Variants in STAU2 observed in about 807,000 individuals in gnomAD.
STAU2 encodes double-stranded RNA-binding protein Staufen homolog 2.
A neutral mutation model predicts 65.9 loss-of-function variants in STAU2; 20 were observed. That is an observed-to-expected ratio of 0.30 (90% confidence interval 0.21 to 0.44). The LOEUF is 0.44. Ranked by LOEUF, STAU2 falls within the 20% of genes least tolerant of loss-of-function variation. The pLI is 1.00. For missense variants in STAU2, 558 were observed against 683.9 expected (o/e 0.82, Z 2.05); for synonymous variants, 232 against 233.9 (o/e 0.99, Z 0.07).
At chr8:73,685,798 C>T (rs903498669) in intron 5 of STAU2, among the ~76,000 whole-genome samples, 10 of 152,222 alleles carry the variant, frequency 6.6e-5, no homozygotes, top group Non-Finnish European at 1.3e-4. Context: ...AATCCCACTA[C>T]TGGGTATCTA....
rs1818963350 is a variant in STAU2, at chr8:73,454,566, AT to A, written c.1531-31865del. Among the ~76,000 whole-genome samples the A allele has an allele frequency of 1.3e-5, 2 of 152,220 alleles. 1 individual carries two copies. The highest frequency in any genetic ancestry group is 4.1e-4 in the South Asian group (2 of 4,832). Reference sequence around the variant, plus strand: ...CAAGGGTAGTGAAGATTAGGACTCAATAGAATGGGGTCCTAGGTCACTCTGT... The same window carrying A: ...CAAGGGTAGTGAAGATTAGGACTCAAAGAATGGGGTCCTAGGTCACTCTGT... On this transcript the variant is annotated intron_variant, in intron 13 of 14. Coordinates refer to ENST00000524300, the MANE Select transcript of STAU2 (RefSeq NM_001164380.2).
intron 13 of STAU2, among the ~76,000 whole-genome samples, chr8:73,540,894 G>A (rs922550222): frequency 1.1e-4 from 16 of 152,070 alleles, no homozygotes; most frequent in Admixed American, 3.3e-4. Flanking sequence ...ACTGGAGGAC[G>A]CAGAGGAAAG....
intron 13 of STAU2, among the ~76,000 whole-genome samples, chr8:73,434,234 T>C (rs1004266485): frequency 8.4e-6 from 1 of 118,694 alleles, no homozygotes; most frequent in African/African-American, 3.7e-5. Context: ...ATTCCTTGAC[T>C]CAACACAAGG....
chr8:73,621,097 G>A (rs558116038), intron 6 of STAU2, among the ~76,000 whole-genome samples: 13 of 152,176 alleles, frequency 8.5e-5, no homozygotes, highest in African/African-American at 2.9e-4. Flanking sequence ...TTTTAGTAAG[G>A]TATTTGATAT....
At chr8:73,743,824 T>C (rs1243233797) in intron 1 of STAU2, among the ~76,000 whole-genome samples, 3 of 143,468 alleles carry the variant, frequency 2.1e-5, no homozygotes, top group Non-Finnish European at 4.5e-5. Context: ...CAGGCTGGAG[T>C]GCAATGGCGC....
chr8:73,726,471 G>A (rs1805642633), intron 3 of STAU2, among the ~76,000 whole-genome samples: 1 of 152,060 alleles, frequency 6.6e-6, no homozygotes, highest in Admixed American at 6.6e-5. Flanking sequence ...AATATTTTCT[G>A]TTGCCCCTCC....
At chr8:73,728,871 A>T (rs772771927) in intron 3 of STAU2, among the ~76,000 whole-genome samples, 25 of 152,142 alleles carry the variant, frequency 1.6e-4, no homozygotes, top group Admixed American at 7.2e-4. Flanking sequence ...CTGCAAACAG[A>T]GACAGTTTTA....
At chr8:73,745,337 T>C (rs1224044060) in intron 1 of STAU2, among the ~76,000 whole-genome samples, 2 of 152,248 alleles carry the variant, frequency 1.3e-5, no homozygotes, top group Non-Finnish European at 1.5e-5. Flanking sequence ...TTTGGTAGTT[T>C]TATTAAATAA....
At chr8:73,739,706 C>T (rs1027373000) in intron 2 of STAU2, 50 bp downstream of exon 2, 28 of 1,431,270 alleles carry the variant, frequency 2.0e-5, no homozygotes, top group South Asian at 3.1e-5. Context: ...AAAGAGCACA[C>T]GGCCTGGATA....
intron 5 of STAU2, chr8:73,675,385 A>ACC (rs1817966881): frequency 6.6e-6 from 1 of 151,904 alleles, no homozygotes; most frequent in South Asian, 2.1e-4. Context: ...ACACACACAC[A>ACC]CACACACACA....
chr8:73,632,488 TATCCTGAAAAA>T (rs1269381510), intron 6 of STAU2, among the ~76,000 whole-genome samples: 1 of 152,220 alleles, frequency 6.6e-6, no homozygotes, highest in Non-Finnish European at 1.5e-5. Flanking sequence ...TTCTCTTTGT[TATCCTGAAAAA>T]GTCACTCAAG....
intron 4 of STAU2, among the ~76,000 whole-genome samples, chr8:73,694,305 C>T (rs75559649): frequency 0.01 from 1,548 of 152,224 alleles, 7 homozygotes; most frequent in Non-Finnish European, 0.015. Flanking sequence ...GAATATAGTA[C>T]AGTTGAACAA....
chr8:73,681,652 C>T (rs1818444220), intron 5 of STAU2, among the ~76,000 whole-genome samples: 1 of 152,024 alleles, frequency 6.6e-6, no homozygotes, highest in Non-Finnish European at 1.5e-5. Flanking sequence ...TGTAAATGGC[C>T]TAAATGCTCC....
chr8:73,464,420 CTTCT>C (rs1819538574), intron 13 of STAU2, among the ~76,000 whole-genome samples: 1 of 152,214 alleles, frequency 6.6e-6, no homozygotes, highest in African/African-American at 2.4e-5. Flanking sequence ...CGCTGTTACA[CTTCT>C]ATGAAGAGAC....
intron 12 of STAU2, among the ~76,000 whole-genome samples, chr8:73,559,843 A>C (rs1022354112): frequency 3.3e-5 from 5 of 152,188 alleles, no homozygotes; most frequent in African/African-American, 1.2e-4. Flanking sequence ...TCAGACCCTT[A>C]GTTCTGCCTA....
rs543598702 is a variant in STAU2, at chr8:73,479,237, T to C, written c.1531-56535A>G. 3.9e-5 allele frequency among the ~76,000 whole-genome samples: 6 copies of C among 152,264 alleles called. 1 individual carries two copies. The highest frequency in any genetic ancestry group is 1.9e-4 in the East Asian group (1 of 5,178). ...CTTTAAAAAGTTAGTAATTCCTTAATACCATCAAACATCAGTGTTCAAATT... is the reference window on the plus strand; with the variant it reads ...CTTTAAAAAGTTAGTAATTCCTTAACACCATCAAACATCAGTGTTCAAATT... On this transcript the variant is annotated intron_variant, in intron 13 of 14. Transcript: ENST00000524300.
intron 11 of STAU2, among the ~76,000 whole-genome samples, chr8:73,591,882 T>TAAAAAAAA (rs34533172): frequency 3.5e-4 from 10 of 28,470 alleles, no homozygotes; most frequent in East Asian, 2.7e-3. Context: ...ATCCCAGAGG[T>TAAAAAAAA]AAAAAAAAAA....
At chr8:73,639,838 A>G (rs1294988709) in intron 6 of STAU2, among the ~76,000 whole-genome samples, 2 of 151,736 alleles carry the variant, frequency 1.3e-5, no homozygotes, top group African/African-American at 4.8e-5. Context: ...AATTTAACAA[A>G]CCCTCTTAAG....
intron 6 of STAU2, among the ~76,000 whole-genome samples, chr8:73,632,101 A>G (rs905386014): frequency 2.6e-5 from 4 of 152,150 alleles, no homozygotes; most frequent in Non-Finnish European, 4.4e-5. Flanking sequence ...ACTTGCTGAC[A>G]GTAGGTATGA....
Sources: gnomAD v4.1 joint callset for allele counts (sites outside exome capture counted in the v4.1 genomes callset) on GRCh38, gnomAD v4.1.1 for gene constraint, MANE v1.5 for transcripts, NCBI Gene and HGNC (gene_info 2026-07-23, HGNC 2026-07-21) for gene names.